Variants in RBM6 observed in about 807,000 individuals in gnomAD.
RBM6 encodes the protein RNA-binding protein 6.
Under a neutral mutation model 140.4 loss-of-function variants are expected in RBM6, and 23 were observed. The observed-to-expected ratio is 0.16, with a 90% confidence interval of 0.12 to 0.23. RBM6 has a LOEUF of 0.23. Among genes scored for constraint, RBM6 ranks in the 10% least tolerant of loss-of-function variants. The probability of loss-of-function intolerance (pLI) is 1.00; values close to 1 mark genes in which losing one functional copy is unlikely to be tolerated. For missense variants in RBM6, 1,139 were observed against 1,386.7 expected (o/e 0.82, Z 2.84); for synonymous variants, 439 against 475.6 (o/e 0.92, Z 1.00).
intron 1 of RBM6, among the ~76,000 whole-genome samples, chr3:49,961,796 CT>C (rs893169756): frequency 7.0e-6 from 1 of 141,932 alleles, no homozygotes; most frequent in Non-Finnish European, 1.5e-5. Flanking sequence ...GAGATTCTGT[CT>C]TTAAAAAAAA....
At chr3:49,999,328 T>G in intron 5 of RBM6, 112 bp from the exon 6 acceptor site, 1 of 829,162 alleles carries the variant, frequency 1.2e-6, no homozygotes, top group Non-Finnish European at 2.1e-6. Flanking sequence ...GAGGGAGGGG[T>G]TAGTTGGGAG....
At chr3:49,992,820 A>C (rs1361758698) in intron 5 of RBM6, among the ~76,000 whole-genome samples, 1 of 152,188 alleles carries the variant, frequency 6.6e-6, no homozygotes, top group Admixed American at 6.5e-5. Context: ...ACAGTTCTGC[A>C]GTATTGATGC....
At chr3:50,007,406 C>T (rs762800379) in intron 6 of RBM6, among the ~76,000 whole-genome samples, 1 of 151,786 alleles carries the variant, frequency 6.6e-6, no homozygotes, top group African/African-American at 2.4e-5. Flanking sequence ...AGGCTGATCT[C>T]GAACTCCTGA....
chr3:49,958,782 CTTTT>C lies in RBM6; in HGVS notation c.-66-3778_-66-3775del, dbSNP rs35853185. Among the ~76,000 whole-genome samples the C allele has an allele frequency of 1.9e-3, 212 of 114,360 alleles. 2 individuals carry two copies. The highest frequency in any genetic ancestry group is 6.8e-3 in the African/African-American group (203 of 30,060). The allele number at this position is 114,360 out of a possible 152,430, so 75.0% of individuals were successfully genotyped here. ...AAAAAAAATTCATTCTGAAGAATTC[CTTTT>C]TTTTTTTTTTTTTTTGTAAAAATGG... On this transcript the variant is annotated intron_variant, in intron 1 of 20. Transcript: ENST00000266022.
rs578238560 is a variant in RBM6, at chr3:49,993,703, TA to T, written c.1484-5726del. ...ATATCTTCCTTTTTTCATTTTTCTT[TA>T]AAAAAAAAAACAACCCTTGTATGCA... is the stretch of plus-strand genomic sequence containing the variant. On this transcript the variant is annotated intron_variant, in intron 5 of 20. Transcript: ENST00000266022. 7.8e-3 allele frequency among the ~76,000 whole-genome samples: 1,142 copies of T among 146,770 alleles called. 13 individuals carry two copies. The highest frequency in any genetic ancestry group is 0.025 in the African/African-American group (1,009 of 40,044).
chr3:49,943,505 T>A (rs1227262488), intron 1 of RBM6, among the ~76,000 whole-genome samples: 1 of 152,094 alleles, frequency 6.6e-6, no homozygotes, highest in Admixed American at 6.6e-5. Context: ...GATGAAGTCT[T>A]GCCTTGTTGT....
intron 6 of RBM6, among the ~76,000 whole-genome samples, chr3:50,044,350 G>A (rs1490562954): frequency 9.9e-5 from 15 of 151,942 alleles, no homozygotes; most frequent in Admixed American, 9.8e-4. Flanking sequence ...ACGGCTGGGC[G>A]CTGGGGCTCA....
chr3:49,941,809 C>T (rs1246546821), intron 1 of RBM6, among the ~76,000 whole-genome samples: 3 of 151,700 alleles, frequency 2.0e-5, no homozygotes, highest in Non-Finnish European at 4.4e-5. Flanking sequence ...CTCAGGTGAT[C>T]CACCTGCCTT....
At chr3:50,067,035 A>G (rs1278822352) in intron 17 of RBM6, among the ~76,000 whole-genome samples, 1 of 151,302 alleles carries the variant, frequency 6.6e-6, no homozygotes, top group Non-Finnish European at 1.5e-5. Context: ...AAAAATACAA[A>G]AATTACCTGG....
intron 6 of RBM6, among the ~76,000 whole-genome samples, chr3:50,020,186 A>G (rs190610848): frequency 6.6e-6 from 1 of 152,240 alleles, no homozygotes; most frequent in Admixed American, 6.5e-5. Context: ...TGGCCTCCCA[A>G]TTTGTTTGGA....
chr3:50,063,985 A>G (rs2090033056), intron 15 of RBM6, among the ~76,000 whole-genome samples: 1 of 151,508 alleles, frequency 6.6e-6, no homozygotes, highest in Admixed American at 6.6e-5. Context: ...GCTGGAGTGC[A>G]GTGGCGTGAT....
chr3:50,058,035 G>A (rs1268986537), intron 9 of RBM6, 32 bp downstream of exon 9: 51 of 1,602,716 alleles, frequency 3.2e-5, no homozygotes, highest in Non-Finnish European at 4.2e-5. Flanking sequence ...ATACCAGACT[G>A]TGATCATCAC....
intron 6 of RBM6, among the ~76,000 whole-genome samples, chr3:50,044,866 C>T (rs1377698309): frequency 3.3e-5 from 5 of 152,116 alleles, no homozygotes; most frequent in Non-Finnish European, 7.4e-5. Flanking sequence ...AAACAATTGG[C>T]TATATTGACC....
intron 6 of RBM6, among the ~76,000 whole-genome samples, chr3:50,028,805 A>G (rs2087983050): frequency 6.6e-6 from 1 of 152,238 alleles, no homozygotes; most frequent in Non-Finnish European, 1.5e-5. Context: ...GGGTTAACAC[A>G]TATTGCATAA....
At chr3:50,030,280 T>C (rs1194511316) in intron 6 of RBM6, among the ~76,000 whole-genome samples, 1 of 109,052 alleles carries the variant, frequency 9.2e-6, no homozygotes, top group Non-Finnish European at 1.8e-5. Context: ...GAGACTCTTT[T>C]TGTCTTAAAA....
intron 5 of RBM6, among the ~76,000 whole-genome samples, chr3:49,994,475 C>T (rs138387528): frequency 2.0e-5 from 3 of 152,190 alleles, no homozygotes; most frequent in East Asian, 3.9e-4. Context: ...AATTCTGTTT[C>T]GGTTTTGCTA....
At chr3:49,986,312 T>A (rs943115449) in intron 5 of RBM6, among the ~76,000 whole-genome samples, 2 of 150,500 alleles carry the variant, frequency 1.3e-5, no homozygotes, top group African/African-American at 4.9e-5. Flanking sequence ...AAAATTAAAC[T>A]GGCCTGGTGC....
chr3:49,997,661 T>C (rs2086149292), intron 5 of RBM6, among the ~76,000 whole-genome samples: 1 of 152,228 alleles, frequency 6.6e-6, no homozygotes, highest in Non-Finnish European at 1.5e-5. Flanking sequence ...TTTCTGATTG[T>C]AGACATGCAT....
chr3:50,022,401 G>A (rs949969067), intron 6 of RBM6, among the ~76,000 whole-genome samples: 1 of 151,600 alleles, frequency 6.6e-6, no homozygotes, highest in African/African-American at 2.4e-5. Context: ...TGCGATCTCA[G>A]CTCACCAAAA....
Sources: allele counts gnomAD v4.1 joint callset (sites outside exome capture counted in the v4.1 genomes callset), GRCh38; gene constraint gnomAD v4.1.1; transcripts MANE v1.5; gene names NCBI Gene and HGNC (gene_info 2026-07-23, HGNC 2026-07-21).